The following NELL1 variants were observed in gnomAD, a reference collection of about 807,000 sequenced individuals.
NELL1 encodes neural EGFL like 1.
NELL1 carries 76 observed loss-of-function variants against 107.4 expected under a neutral mutation model. The ratio of observed to expected loss-of-function variants is 0.71; its 90% CI spans 0.59 to 0.86. The LOEUF (loss-of-function observed/expected upper bound fraction) is 0.86. Ranked by LOEUF, NELL1 falls within the 40% of genes least tolerant of loss-of-function variation. The pLI is 0.00. For synonymous variants in NELL1, 353 were observed against 341.2 expected, an observed-to-expected ratio of 1.03 and a Z score of -0.38; for missense variants, 1,024 against 1,005.5, an observed-to-expected ratio of 1.02 and a Z score of -0.25.
intron 2 of NELL1, among the ~76,000 whole-genome samples, chr11:20,697,785 G>A (rs116557434): frequency 0.015 from 2,277 of 152,238 alleles, 55 homozygotes; most frequent in African/African-American, 0.052. Context: ...TGGTCTTTGG[G>A]GGAGGTGGCA....
At chr11:20,752,935 G>A (rs1200896720) in intron 2 of NELL1, among the ~76,000 whole-genome samples, 1 of 152,118 alleles carries the variant, frequency 6.6e-6, no homozygotes. Flanking sequence ...AATGGGTGCT[G>A]TGCTTGAAAT....
At chr11:20,818,982 G>A (rs907745066) in intron 3 of NELL1, among the ~76,000 whole-genome samples, 1 of 152,170 alleles carries the variant, frequency 6.6e-6, no homozygotes, top group African/African-American at 2.4e-5. Context: ...AGCACAGATT[G>A]TTGGCTGCTT....
chr11:20,894,507 A>G (rs1413643041), intron 5 of NELL1, among the ~76,000 whole-genome samples: 1 of 152,262 alleles, frequency 6.6e-6, no homozygotes, highest in Non-Finnish European at 1.5e-5. Flanking sequence ...CCAAAAGGCC[A>G]GTAAACAAAG....
chr11:20,954,703 T>C (rs553690701), intron 11 of NELL1, among the ~76,000 whole-genome samples: 2 of 152,274 alleles, frequency 1.3e-5, no homozygotes, highest in East Asian at 3.9e-4. Context: ...AGGCCTCCAT[T>C]AATTTAAAAA....
chr11:20,704,893 G>A (rs1046809999), intron 2 of NELL1, among the ~76,000 whole-genome samples: 2 of 152,148 alleles, frequency 1.3e-5, no homozygotes, highest in South Asian at 2.1e-4. Context: ...GCCAAATCAT[G>A]AGTGAACTCC....
chr11:21,109,765 A>G (rs761340885), intron 12 of NELL1, among the ~76,000 whole-genome samples: 14 of 152,120 alleles, frequency 9.2e-5, no homozygotes, highest in Non-Finnish European at 1.9e-4. Context: ...TAAAATCTCA[A>G]TCATTCGCTA....
rs561118555 is a variant in NELL1 at position 20,927,324 on chromosome 11, C to T, written c.776C>T (p.Thr259Ile). The T allele has an allele frequency of 6.2e-7, 1 of 1,611,058 alleles. No homozygotes were observed. The highest frequency in any genetic ancestry group is 8.5e-7 in the Non-Finnish European group (1 of 1,179,340). The change falls in exon 8 of 20, where the codon ACA becomes ATA. Residue 259 changes from threonine to isoleucine, a missense_variant. Physicochemically the swap from Thr to Ile is moderately conservative, Grantham distance 89. Coordinates refer to ENST00000357134, the MANE Select transcript of NELL1 (RefSeq NM_006157.5). ...TGTTTGCAGCTAAATTATGCAGAGA[C>T]AAGACTTAGTCAATTGGAAAACTGT... Reference protein sequence around the residue: ...KMTAKLNYAETRLSQLENCHC... With the variant: ...KMTAKLNYAEIRLSQLENCHC...
chr11:20,803,384 T>C (rs1857318034), intron 3 of NELL1, among the ~76,000 whole-genome samples: 1 of 152,240 alleles, frequency 6.6e-6, no homozygotes, highest in Non-Finnish European at 1.5e-5. Context: ...TGAATTTCTG[T>C]AGTATCAGTT....
chr11:21,180,822 A>C (rs976927479), intron 13 of NELL1, among the ~76,000 whole-genome samples: 2 of 150,898 alleles, frequency 1.3e-5, no homozygotes, highest in African/African-American at 2.5e-5. Flanking sequence ...TGAACATCCA[A>C]CTCTTTTAAA....
intron 4 of NELL1, among the ~76,000 whole-genome samples, chr11:20,868,034 G>T (rs1225540039): frequency 3.9e-5 from 6 of 152,230 alleles, no homozygotes; most frequent in Admixed American, 1.3e-4. Flanking sequence ...ATATTTATCA[G>T]TTGTTTACAG....
At chr11:20,783,651 T>C (rs1399337000) in intron 2 of NELL1, 29 bp from the exon 3 acceptor site, 5 of 1,586,192 alleles carry the variant, frequency 3.2e-6, no homozygotes, top group African/African-American at 1.3e-5. Context: ...CCTCTCCTGT[T>C]TCCTCCTGCT....
chr11:21,073,723 G>A (rs747739897), intron 12 of NELL1, among the ~76,000 whole-genome samples: 51 of 152,008 alleles, frequency 3.4e-4, no homozygotes, highest in Admixed American at 1.3e-3. Flanking sequence ...TTTGAAGGAA[G>A]TAAAATGAAA....
At chr11:20,806,948 C>T (rs147442335) in intron 3 of NELL1, among the ~76,000 whole-genome samples, 2,192 of 152,110 alleles carry the variant, frequency 0.014, 67 homozygotes, top group African/African-American at 0.049. Flanking sequence ...TCCTTCTCTG[C>T]GTTATCTTCA....
intron 12 of NELL1, among the ~76,000 whole-genome samples, chr11:21,087,053 A>G (rs1430908871): frequency 6.6e-6 from 1 of 152,026 alleles, no homozygotes; most frequent in Non-Finnish European, 1.5e-5. Context: ...GTTAGCCAGG[A>G]TGGTCTCGAT....
intron 2 of NELL1, among the ~76,000 whole-genome samples, chr11:20,744,467 T>A (rs1269594218): frequency 6.6e-6 from 1 of 152,204 alleles, no homozygotes; most frequent in Non-Finnish European, 1.5e-5. Context: ...GCATTTATTC[T>A]CTCTTTTATA....
intron 12 of NELL1, among the ~76,000 whole-genome samples, chr11:20,979,867 G>T (rs149317234): frequency 6.6e-6 from 1 of 152,042 alleles, no homozygotes; most frequent in South Asian, 2.1e-4. Flanking sequence ...TCCAGGGCAC[G>T]GTTTTGGAGG....
At chr11:21,090,572 C>T (rs1054848710) in intron 12 of NELL1, among the ~76,000 whole-genome samples, 1 of 152,142 alleles carries the variant, frequency 6.6e-6, no homozygotes, top group Non-Finnish European at 1.5e-5. Context: ...CATGGAAAGA[C>T]CTGGTATATT....
intron 14 of NELL1, among the ~76,000 whole-genome samples, chr11:21,282,642 C>T (rs1350217498): frequency 6.6e-6 from 1 of 152,050 alleles, no homozygotes; most frequent in Non-Finnish European, 1.5e-5. Context: ...AAAATAGAGC[C>T]ACCATAGCAT....
chr11:21,041,914 G>A (rs772115405), intron 12 of NELL1, among the ~76,000 whole-genome samples: 15 of 152,222 alleles, frequency 9.9e-5, no homozygotes, highest in Non-Finnish European at 2.1e-4. Context: ...GGCAGTGTGT[G>A]TGAAGCGTGG....
Sources: allele counts gnomAD v4.1 joint callset (sites outside exome capture counted in the v4.1 genomes callset), GRCh38; gene constraint gnomAD v4.1.1; transcripts MANE v1.5; gene names NCBI Gene and HGNC (gene_info 2026-07-23, HGNC 2026-07-21).